AARS2: variants seen among roughly 807,000 people sequenced by gnomAD.
AARS2 encodes alanine--tRNA ligase, mitochondrial.
Under a neutral mutation model 119.7 loss-of-function variants are expected in AARS2, and 78 were observed. The ratio of observed to expected loss-of-function variants is 0.65; its 90% CI spans 0.54 to 0.79. The LOEUF (loss-of-function observed/expected upper bound fraction) is 0.79, where lower values mean the gene tolerates loss of function less well. Among genes scored for constraint, AARS2 ranks in the 30% least tolerant of loss-of-function variants. The pLI is 0.00. For synonymous variants in AARS2, 502 were observed against 526.3 expected (o/e 0.95, Z 0.63); for missense variants, 1,157 against 1,291.3 (o/e 0.90, Z 1.59).
At chr6:44,309,319 C>T (rs1786152611) in intron 5 of AARS2, among the ~76,000 whole-genome samples, 1 of 152,196 alleles carries the variant, frequency 6.6e-6, no homozygotes, top group African/African-American at 2.4e-5. Context: ...CAGCTCACCA[C>T]AGATGGATGA....
At chr6:44,301,093 T>C in intron 21 of AARS2, 63 bp downstream of exon 21, 1 of 1,461,996 alleles carries the variant, frequency 6.8e-7, no homozygotes, top group Non-Finnish European at 9.5e-7. Context: ...AGGTGTAAAA[T>C]CAGAGAGCTG....
rs1785795107 is a variant in AARS2, at chr6:44,305,811, GT to G, written c.1301-26del. 1 of 1,613,338 alleles carries G rather than the reference GT, an allele frequency of 6.2e-7. No homozygotes were observed. Among genetic ancestry groups the G allele is most frequent in the Admixed American group, 1.7e-5 (1 of 59,980 alleles). On this transcript the variant is annotated intron_variant, in intron 9 of 21. Transcript: ENST00000244571. The surrounding 1 kb of genome is among the most constrained non-coding windows in gnomAD (Gnocchi z 4.6). The stretch of plus-strand genomic sequence containing the variant: ...GCTTTGAGAAAGAAAGACAAAGAAT[GT>G]TGAGGAGGGGAGGGATTAGACAAAG...
intron 14 of AARS2, 70 bp downstream of exon 14, chr6:44,304,111 C>G: frequency 6.2e-7 from 1 of 1,606,918 alleles, no homozygotes; most frequent in Non-Finnish European, 8.5e-7. Context: ...GGGCAACCCG[C>G]TCACAGCAGG....
chr6:44,304,695 G>GT lies in AARS2; in HGVS notation c.1701dup (p.Gln568ThrfsTer36), dbSNP rs1206245568. The GT allele has an allele frequency of 3.1e-6, 5 of 1,614,108 alleles. No homozygotes were observed. In the Admixed American group the frequency reaches 8.3e-5, roughly 27 times the overall value. ...CCACGGTCTGAAGCCTGGCCCCCCT[G>GT]TTCTGCGTAGAAGTTGGTCCTGTCC... On this transcript the variant is annotated frameshift_variant, in exon 12 of 22. Coordinates refer to ENST00000244571, the MANE Select transcript of AARS2 (RefSeq NM_020745.4). LOFTEE classifies it high-confidence loss of function.
Position 44,304,693 on chromosome 6 carries a change from CT to C in AARS2, c.1703del (p.Gln568ArgfsTer23). On this transcript the variant is annotated frameshift_variant, in exon 12 of 22. Coordinates refer to ENST00000244571, the MANE Select transcript of AARS2 (RefSeq NM_020745.4). LOFTEE classifies it high-confidence loss of function. ...AGCCACGGTCTGAAGCCTGGCCCCCCTGTTCTGCGTAGAAGTTGGTCCTGTC... is the reference window on the plus strand; with the variant it reads ...AGCCACGGTCTGAAGCCTGGCCCCCCGTTCTGCGTAGAAGTTGGTCCTGTC... ...LLDRTNFYAEQGGQASDRGYL... is the reference protein window; with the variant it reads ...LLDRTNFYAEXGGQASDRGYL... 2 of 1,614,250 alleles carry C rather than the reference CT, an allele frequency of 1.2e-6. No individual in the cohort carries two copies. Among genetic ancestry groups the C allele is most frequent in the Non-Finnish European group, 1.7e-6 (2 of 1,180,026 alleles).
chr6:44,305,244 G>T lies in AARS2; in HGVS notation c.1435-46C>A, dbSNP rs187071331. On this transcript the variant is annotated intron_variant, in intron 10 of 21. Coordinates refer to ENST00000244571, the MANE Select transcript of AARS2 (RefSeq NM_020745.4). The surrounding 1 kb of genome is among the most constrained non-coding windows in gnomAD (Gnocchi z 4.6). The stretch of plus-strand genomic sequence containing the variant: ...TGGAAGAAGTGCATGGAGAATGAAA[G>T]AATGAAAGTGGGACTTCAGCCTCGC... 3.4e-5 allele frequency: 54 copies of T among 1,603,522 alleles called. No individual in the cohort carries two copies. Among genetic ancestry groups the T allele is most frequent in the Middle Eastern group, 2.2e-4 (1 of 4,540 alleles).
chr6:44,311,292 G>A (rs1786330410), intron 3 of AARS2, 98 bp downstream of exon 3: 2 of 1,603,870 alleles, frequency 1.2e-6, no homozygotes, highest in Admixed American at 1.7e-5. Flanking sequence ...ACAATATCCT[G>A]GAATGAAATG....
At position 44,303,092 on chromosome 6, in the gene AARS2, C is replaced by T. The variant is rs955887304; in HGVS notation, c.2229G>A (p.Gln743=). The change falls in exon 16 of 22, where the codon CAG becomes CAA. Residue 743 remains glutamine (Q), a synonymous_variant. Transcript: ENST00000244571. ...TCCCACAGCATAGCTCCACAGAGGT[C>T]TGCAGTGCGGCTTGGGAGGCTGGGT... is the stretch of plus-strand genomic sequence containing the variant. ...ALDPASQAAL[Q]TSVELCCGTH... is the part of the protein sequence containing the mutation. 6.2e-7 allele frequency: 1 copy of T among 1,614,128 alleles called. No individual in the cohort carries two copies.
chr6:44,306,509 T>G lies in AARS2; in HGVS notation c.1173A>C (p.Gln391His). 1 of 1,614,116 alleles carries G rather than the reference T, an allele frequency of 6.2e-7. No homozygotes were observed. The highest frequency in any genetic ancestry group is 8.5e-7 in the Non-Finnish European group (1 of 1,180,016). The change falls in exon 8 of 22, where the codon CAA becomes CAC. Residue 391 changes from glutamine (Q) to histidine (H), a missense_variant. Physicochemically the swap from Gln to His is conservative, Grantham distance 24. Transcript: ENST00000244571. ...AATCCAGTACCTGGGCTGAGTTCCT[T>G]TGCAGTTCTGGATAAGCATCTCCCT... ...ETLGDAYPEL[Q>H]RNSAQIANLV...
Position 44,302,473 on chromosome 6 carries a change from G to A in AARS2, c.2405C>T (p.Ala802Val), listed in dbSNP as rs141973247. The A allele has an allele frequency of 8.1e-6, 13 of 1,614,006 alleles. No homozygotes were observed. Among genetic ancestry groups the A allele is most frequent in the Non-Finnish European group, 9.3e-6 (11 of 1,180,024 alleles). The change falls in exon 18 of 22, where the codon GCG becomes GTG. Residue 802 changes from alanine (A) to valine (V), a missense_variant. Physicochemically the swap from Ala to Val is moderately conservative, Grantham distance 64. Transcript: ENST00000244571. ...LGQSLAQEVK[A>V]ATERLSLGSR... ...CCCCAGACTCAGCCGCTCAGTGGCC[G>A]CTTTCACTTCCTGGGCCAGGCTCTG...
At chr6:44,303,751 G>A (rs1785573481) in intron 14 of AARS2, among the ~76,000 whole-genome samples, 1 of 152,238 alleles carries the variant, frequency 6.6e-6, no homozygotes, top group Admixed American at 6.5e-5. Context: ...TGCAGGGGCA[G>A]GGAATAAGCA....
rs763561398 is a variant in AARS2 at position 44,304,698 on chromosome 6, C to A, written c.1699G>T (p.Glu567Ter). 4.3e-6 allele frequency: 7 copies of A among 1,614,266 alleles called. No homozygotes were observed. Among genetic ancestry groups the A allele is most frequent in the Non-Finnish European group, 5.1e-6 (6 of 1,180,042 alleles). Residue 567 changes from glutamate to a stop codon, truncating the protein, a stop_gained, in exon 12 of 22, where the codon GAA becomes TAA. Transcript: ENST00000244571. LOFTEE classifies it high-confidence loss of function. Reference protein sequence around the residue: ...LLLDRTNFYAEQGGQASDRGY... With the variant: ...LLLDRTNFYA ...CGGTCTGAAGCCTGGCCCCCCTGTT[C>A]TGCGTAGAAGTTGGTCCTGTCCAAG...
At chr6:44,308,248 G>A (rs903955844) in intron 5 of AARS2, among the ~76,000 whole-genome samples, 24 of 152,134 alleles carry the variant, frequency 1.6e-4, no homozygotes, top group African/African-American at 5.8e-4. Flanking sequence ...TTTTAAAAGT[G>A]TACATCAGGC....
At position 44,307,603 on chromosome 6, in the gene AARS2, T is replaced by C. The variant is rs1343814756; in HGVS notation, c.895-209A>G. The C allele has an allele frequency of 9.6e-6, 6 of 626,884 alleles. No individual in the cohort carries two copies. The East Asian group carries it at 1.1e-4, about 12-fold the overall frequency. 38.8% of individuals were successfully genotyped at this position (626,884 alleles called of 1,614,324 possible). On this transcript the variant is annotated intron_variant, in intron 5 of 21. Transcript: ENST00000244571. This position sits in a 1 kb window ranked among gnomAD's most constrained non-coding sequence, Gnocchi z 4.4. ...TCATATTTGGTGCTACAAGTGAACA[T>C]ATCTGTGACCATTTACTGAATTTCT...
chr6:44,309,064 G>A (rs993151057), intron 5 of AARS2, among the ~76,000 whole-genome samples: 1 of 152,178 alleles, frequency 6.6e-6, no homozygotes, highest in African/African-American at 2.4e-5. Flanking sequence ...TTCCCATCAA[G>A]GGACAGAATC....
chr6:44,303,317 G>A lies in AARS2; in HGVS notation c.2114C>T (p.Ala705Val). ...CAGAGAGCGCAGGCCAGGGACCTGG[G>A]CAGTGAGCGCCAGGGGCACCTCCTC... ...YMEEVPLALTAQVPGLRSLDE... is the reference protein window; with the variant it reads ...YMEEVPLALTVQVPGLRSLDE... Residue 705 changes from alanine to valine, a missense_variant, in exon 15 of 22, where the codon GCC becomes GTC. Physicochemically the swap from Ala to Val is moderately conservative, Grantham distance 64 (BLOSUM62 0). Coordinates refer to ENST00000244571, the MANE Select transcript of AARS2 (RefSeq NM_020745.4). 1 of 1,614,076 alleles carries A rather than the reference G, an allele frequency of 6.2e-7. No homozygotes were observed. The highest frequency in any genetic ancestry group is 1.3e-5 in the African/African-American group (1 of 75,058).
In AARS2 at chr6:44,304,494, C is replaced by T. The variant is rs912428342; in HGVS notation, c.1792G>A (p.Gly598Ser). Residue 598 changes from glycine (G) to serine (S), a missense_variant, in exon 13 of 22, where the codon GGT (glycine) becomes AGT (serine). Coordinates refer to ENST00000244571, the MANE Select transcript of AARS2 (RefSeq NM_020745.4). The part of the protein sequence containing the change: ...FPVARAQVCG[G>S]FILHEAVAPE... ...GCTACTGCCTCATGCAGGATGAAAC[C>T]TCCACAGACCTGGGCCCGGGCTACT... 6.8e-6 allele frequency: 11 copies of T among 1,614,066 alleles called. No individual in the cohort carries two copies. Among genetic ancestry groups the T allele is most frequent in the Non-Finnish European group, 7.6e-6 (9 of 1,180,036 alleles).
rs916570813 is a variant in AARS2, at chr6:44,311,616, T to C, written c.436-81A>G. 4 of 1,523,374 alleles carry C rather than the reference T, an allele frequency of 2.6e-6. No homozygotes were observed. The Admixed American group carries it at 5.3e-5, about 20-fold the overall frequency. The allele number at this position is 1,523,374 out of a possible 1,614,324, so 94.4% of individuals were successfully genotyped here. ...ACTGAAGTAATCAAGCCACATGAGT[T>C]TAGCTCCCGACTTAAGACAAAAGCA... On this transcript the variant is annotated intron_variant, in intron 2 of 21. Coordinates refer to ENST00000244571, the MANE Select transcript of AARS2 (RefSeq NM_020745.4).
rs143345225 is a variant in AARS2 at position 44,306,318 on chromosome 6, C to A, written c.1262G>T (p.Arg421Leu). The A allele has an allele frequency of 1.5e-4, 239 of 1,614,000 alleles. 1 individual carries two copies. Among genetic ancestry groups the A allele is most frequent in the Non-Finnish European group, 2.0e-4 (235 of 1,180,004 alleles). Residue 421 changes from arginine to leucine, a missense_variant, in exon 9 of 22, where the codon CGG becomes CTG. Coordinates refer to ENST00000244571, the MANE Select transcript of AARS2 (RefSeq NM_020745.4). ...SLERGRRIID[R>L]TLRTLGPSDM... ...TGAAGGCCCCAGGGTCCTCAGAGTC[C>A]GATCAATGATCCGCCTACCCCGCTC...
Sources: allele counts gnomAD v4.1 joint callset (sites outside exome capture counted in the v4.1 genomes callset), GRCh38; gene constraint gnomAD v4.1.1; non-coding constraint Gnocchi (gnomAD v3.1); transcripts MANE v1.5; gene names NCBI Gene and HGNC (gene_info 2026-07-23, HGNC 2026-07-21).